Variants in SLC2A13 observed in about 807,000 individuals in gnomAD.
The protein encoded by SLC2A13 is solute carrier family 2 member 13.
In SLC2A13, 32 loss-of-function variants were observed where a neutral mutation model predicts 64.4. The ratio of observed to expected loss-of-function variants is 0.50; its 90% CI spans 0.37 to 0.67. SLC2A13 has a LOEUF of 0.67. SLC2A13 is among the 30% of genes least tolerant of loss of function. The pLI is 0.00. For synonymous variants in SLC2A13, 338 were observed against 327.1 expected, an observed-to-expected ratio of 1.03 and a Z score of -0.36; for missense variants, 743 against 829.2, an observed-to-expected ratio of 0.90 and a Z score of 1.28.
chr12:39,788,743 A>G (rs1306353217), intron 7 of SLC2A13: 1 of 152,132 alleles, frequency 6.6e-6, no homozygotes, highest in Admixed American at 6.6e-5. Flanking sequence ...GTAGTAATAT[A>G]ATGATGCTGA....
chr12:39,907,309 A>C (rs1247120546), intron 4 of SLC2A13, among the ~76,000 whole-genome samples: 1 of 152,150 alleles, frequency 6.6e-6, no homozygotes, highest in Non-Finnish European at 1.5e-5. Context: ...TTATTCATAG[A>C]TGTAGTGAGC....
chr12:39,828,930 G>T (rs539237726), intron 7 of SLC2A13, among the ~76,000 whole-genome samples: 18 of 152,028 alleles, frequency 1.2e-4, no homozygotes, highest in Middle Eastern at 3.5e-3. Context: ...TTAAAATGTG[G>T]TCTGGATTTT....
At chr12:39,912,975 T>C (rs1316241202) in intron 4 of SLC2A13, among the ~76,000 whole-genome samples, 1 of 152,146 alleles carries the variant, frequency 6.6e-6, no homozygotes, top group Non-Finnish European at 1.5e-5. Context: ...CTTTGTCTTA[T>C]AAAGTATATC....
intron 3 of SLC2A13, among the ~76,000 whole-genome samples, chr12:39,970,358 A>G (rs904357442): frequency 6.6e-6 from 1 of 152,174 alleles, no homozygotes; most frequent in Non-Finnish European, 1.5e-5. Flanking sequence ...TTCTTGTTCT[A>G]TTGAAACTAC....
At chr12:39,913,177 G>T (rs750903554) in intron 4 of SLC2A13, among the ~76,000 whole-genome samples, 1 of 152,024 alleles carries the variant, frequency 6.6e-6, no homozygotes, top group Non-Finnish European at 1.5e-5. Context: ...GAAAGAAAAA[G>T]AGATCATAGT....
In SLC2A13 at chr12:40,105,264, C is replaced by A; in HGVS notation, c.545G>T (p.Gly182Val). The A allele has an allele frequency of 6.3e-7, 1 of 1,594,366 alleles. No homozygotes were observed. The highest frequency in any genetic ancestry group is 8.5e-7 in the Non-Finnish European group (1 of 1,173,156). ...GAGCCCGAACTCACCGATGCCGAGTCCCACGACCAGGCGGCCGGCGAGCAG... is the reference window on the plus strand; with the variant it reads ...GAGCCCGAACTCACCGATGCCGAGTACCACGACCAGGCGGCCGGCGAGCAG... The part of the protein sequence containing the change: ...ETLLAGRLVV[G>V]LGIGIASMTV... Residue 182 changes from glycine (G) to valine (V), a missense_variant, in exon 1 of 10, where the codon GGA becomes GTA. Coordinates refer to ENST00000280871, the MANE Select transcript of SLC2A13 (RefSeq NM_052885.4). This position sits in a 1 kb window ranked among gnomAD's most constrained non-coding sequence, Gnocchi z 4.2.
intron 3 of SLC2A13, among the ~76,000 whole-genome samples, chr12:40,010,572 T>C (rs1250268062): frequency 6.6e-6 from 1 of 152,180 alleles, no homozygotes; most frequent in Non-Finnish European, 1.5e-5. Context: ...GCAAATTCAA[T>C]ATAGAATCCA....
chr12:40,100,239 G>T (rs1177124862), intron 1 of SLC2A13, among the ~76,000 whole-genome samples: 1 of 152,310 alleles, frequency 6.6e-6, no homozygotes, highest in East Asian at 1.9e-4. Context: ...GTAAATCTAA[G>T]ATTAATTCAA....
chr12:40,037,526 G>A (rs926704528), intron 2 of SLC2A13, among the ~76,000 whole-genome samples: 1 of 151,572 alleles, frequency 6.6e-6, no homozygotes, highest in Non-Finnish European at 1.5e-5. Flanking sequence ...GGTTGAGCTG[G>A]GAGGATCCCT....
At position 40,105,513 on chromosome 12, in the gene SLC2A13, G is replaced by C; in HGVS notation, c.296C>G (p.Thr99Ser). ...ALGGFLFGYD[T>S]GVVSGAMLLL... ...CAGCATGGCCCCTGACACCACCCCG[G>C]TGTCATAGCCAAACAGGAAGCCGCC... The change falls in exon 1 of 10, where the codon ACC (threonine) becomes AGC (serine). Residue 99 changes from threonine to serine, a missense_variant. By Grantham distance (58) the Thr-to-Ser change is moderately conservative. This residue lies in a region of SLC2A13 where 448 missense variants were observed against 447.4 expected (regional missense o/e 1.00). Coordinates refer to ENST00000280871, the MANE Select transcript of SLC2A13 (RefSeq NM_052885.4). This position sits in a 1 kb window ranked among gnomAD's most constrained non-coding sequence, Gnocchi z 4.2. The C allele has an allele frequency of 6.3e-7, 1 of 1,582,362 alleles. No homozygotes were observed. Among genetic ancestry groups the C allele is most frequent in the East Asian group, 2.4e-5 (1 of 42,500 alleles).
chr12:39,930,566 A>T (rs1322898211), intron 4 of SLC2A13, among the ~76,000 whole-genome samples: 1 of 152,170 alleles, frequency 6.6e-6, no homozygotes, highest in Non-Finnish European at 1.5e-5. Flanking sequence ...TTAAAAATAC[A>T]GTTGTTAATA....
intron 7 of SLC2A13, among the ~76,000 whole-genome samples, chr12:39,804,223 TATC>T (rs1410390161): frequency 4.6e-5 from 7 of 151,722 alleles, no homozygotes; most frequent in South Asian, 4.2e-4. Flanking sequence ...AACAGGAAAA[TATC>T]AACAAAAAGA....
At chr12:40,025,578 C>T (rs1947790164) in intron 3 of SLC2A13, among the ~76,000 whole-genome samples, 1 of 152,196 alleles carries the variant, frequency 6.6e-6, no homozygotes, top group South Asian at 2.1e-4. Flanking sequence ...ATCTAAGCCA[C>T]CATGTTTGAT....
At chr12:39,784,973 C>T in intron 7 of SLC2A13, among the ~76,000 whole-genome samples, 1 of 152,146 alleles carries the variant, frequency 6.6e-6, no homozygotes, top group South Asian at 2.1e-4. Context: ...CTGTTAAAAG[C>T]ACTCTGTTTT....
At chr12:39,862,655 G>GA (rs1181459353) in intron 6 of SLC2A13, among the ~76,000 whole-genome samples, 3 of 152,166 alleles carry the variant, frequency 2.0e-5, no homozygotes, top group Non-Finnish European at 4.4e-5. Context: ...AAGGTATTAT[G>GA]TGATTCTTTT....
At chr12:40,070,155 GA>G (rs373099878) in intron 1 of SLC2A13, among the ~76,000 whole-genome samples, 638 of 142,038 alleles carry the variant, frequency 4.5e-3, no homozygotes, top group African/African-American at 0.012. Flanking sequence ...TCTATGGCAG[GA>G]AAAAAAAAAA....
chr12:40,018,806 C>T (rs1024307642), intron 3 of SLC2A13, among the ~76,000 whole-genome samples: 1 of 152,132 alleles, frequency 6.6e-6, no homozygotes, highest in African/African-American at 2.4e-5. Context: ...CAGGCTCCAC[C>T]TTACCTCCTC....
At chr12:40,066,539 A>C (rs1259013867) in intron 1 of SLC2A13, among the ~76,000 whole-genome samples, 1 of 152,224 alleles carries the variant, frequency 6.6e-6, no homozygotes, top group East Asian at 1.9e-4. Context: ...TCCATCACTT[A>C]TTCCGAAAAT....
intron 1 of SLC2A13, among the ~76,000 whole-genome samples, chr12:40,094,431 G>A (rs368229217): frequency 1.3e-5 from 2 of 152,204 alleles, no homozygotes; most frequent in Non-Finnish European, 2.9e-5. Flanking sequence ...CTGCAAAGGA[G>A]ATGGGGGAAA....
Sources: allele counts gnomAD v4.1 joint callset (sites outside exome capture counted in the v4.1 genomes callset), GRCh38; gene constraint gnomAD v4.1.1; regional missense constraint gnomAD v4.1.1; non-coding constraint Gnocchi (gnomAD v3.1); transcripts MANE v1.5; gene names NCBI Gene and HGNC (gene_info 2026-07-23, HGNC 2026-07-21).